Variants in RBM11 observed in about 807,000 individuals in gnomAD.
RBM11 encodes RNA binding motif protein 11, also known as splicing regulator RBM11.
RBM11 carries 18 observed loss-of-function variants against 21.4 expected under a neutral mutation model. The observed-to-expected ratio is 0.84, with a 90% CI of 0.58 to 1.25. RBM11 has a LOEUF of 1.25. RBM11 is among the 50% of genes most tolerant of loss of function. The pLI, the probability that RBM11 is intolerant of heterozygous loss-of-function variation, is 0.00. For synonymous variants in RBM11, 120 were observed against 116.3 expected, an observed-to-expected ratio of 1.03 and a Z score of -0.20; for missense variants, 294 against 331.9, an observed-to-expected ratio of 0.89 and a Z score of 0.89.
At chr21:14,221,809 G>GA (rs1978689234) in intron 3 of RBM11, among the ~76,000 whole-genome samples, 1 of 152,142 alleles carries the variant, frequency 6.6e-6, no homozygotes, top group South Asian at 2.1e-4. Context: ...AAAGCAAGAA[G>GA]AAAGATATTG....
At chr21:14,226,067 C>T (rs776877172) in intron 4 of RBM11, among the ~76,000 whole-genome samples, 72 of 151,764 alleles carry the variant, frequency 4.7e-4, no homozygotes, top group Middle Eastern at 3.4e-3. Context: ...TTTTTTTCAA[C>T]TCTAAATTTG....
chr21:14,218,239 T>C (rs1249386262), intron 1 of RBM11, among the ~76,000 whole-genome samples: 1 of 152,202 alleles, frequency 6.6e-6, no homozygotes, highest in Non-Finnish European at 1.5e-5. Context: ...CACGTAAGCA[T>C]GTTCTGTCCC....
rs192529195 is a variant in RBM11 at position 14,227,918 on chromosome 21, T to C, written c.*625T>C. The C allele has an allele frequency of 1.3e-5, 2 of 152,450 alleles. No homozygotes were observed. Among genetic ancestry groups the C allele is most frequent in the Non-Finnish European group, 2.9e-5 (2 of 68,124 alleles). The allele number at this position is 152,450 out of a possible 1,614,324, so 9.4% of individuals were successfully genotyped here. ...TTGGATCATTCCCTTTTTATACAATTGTGTATTTATAGGGATACCTTCCTC... is the reference window on the plus strand; with the variant it reads ...TTGGATCATTCCCTTTTTATACAATCGTGTATTTATAGGGATACCTTCCTC... On this transcript the variant is annotated 3_prime_UTR_variant, in exon 5 of 5. Coordinates refer to ENST00000400577, the MANE Select transcript of RBM11 (RefSeq NM_144770.5).
chr21:14,223,852 G>A (rs758104426), intron 3 of RBM11, among the ~76,000 whole-genome samples: 2 of 152,154 alleles, frequency 1.3e-5, no homozygotes, highest in African/African-American at 2.4e-5. Context: ...GTAAAAGCCA[G>A]TTTGGCCATC....
intron 3 of RBM11, among the ~76,000 whole-genome samples, chr21:14,224,032 CTGTT>C (rs1361313007): frequency 6.6e-6 from 1 of 152,048 alleles, no homozygotes; most frequent in African/African-American, 2.4e-5. Flanking sequence ...AACAGAGTAC[CTGTT>C]TGTTATATAA....
chr21:14,216,175 C>A lies in RBM11; in HGVS notation c.-12C>A. The A allele has an allele frequency of 2.5e-6, 4 of 1,609,168 alleles. No homozygotes were observed. Among genetic ancestry groups the A allele is most frequent in the Non-Finnish European group, 3.4e-6 (4 of 1,176,528 alleles). On this transcript the variant is annotated 5_prime_UTR_variant, in exon 1 of 5. Transcript: ENST00000400577. Reference sequence around the variant, plus strand: ...CTCAGCTCCTACTTCATTCTACGGCCGAGACCGGAGGATGTTCCCTGCTCA... The same window carrying A: ...CTCAGCTCCTACTTCATTCTACGGCAGAGACCGGAGGATGTTCCCTGCTCA...
intron 1 of RBM11, 53 bp downstream of exon 1, chr21:14,216,335 C>A: frequency 6.6e-7 from 1 of 1,520,326 alleles, no homozygotes; most frequent in Non-Finnish European, 9.0e-7. Context: ...GGGCCGGAAA[C>A]ATAGCGCGCA....
intron 1 of RBM11, among the ~76,000 whole-genome samples, chr21:14,217,629 C>T (rs1036078977): frequency 2.0e-5 from 3 of 151,878 alleles, no homozygotes; most frequent in African/African-American, 7.3e-5. Flanking sequence ...TAGGTTCATC[C>T]TTTTAATTCA....
intron 4 of RBM11, among the ~76,000 whole-genome samples, chr21:14,225,706 A>G (rs1381029798): frequency 2.6e-5 from 4 of 152,166 alleles, no homozygotes. Context: ...TTAGTAAACA[A>G]TCAGTTCTCG....
At chr21:14,218,316 ATATT>A (rs1978381935) in intron 1 of RBM11, among the ~76,000 whole-genome samples, 1 of 152,198 alleles carries the variant, frequency 6.6e-6, no homozygotes, top group East Asian at 1.9e-4. Flanking sequence ...ATATTACAGT[ATATT>A]TATCCTTTTA....
Position 14,227,306 on chromosome 21 carries a change from A to G in RBM11, c.*13A>G. ...GAAAAGATACTAGTATTACCTACAAATGAAACTTACCTACACTGATCTTAG... is the reference window on the plus strand; with the variant it reads ...GAAAAGATACTAGTATTACCTACAAGTGAAACTTACCTACACTGATCTTAG... On this transcript the variant is annotated 3_prime_UTR_variant, in exon 5 of 5. Coordinates refer to ENST00000400577, the MANE Select transcript of RBM11 (RefSeq NM_144770.5). The G allele has an allele frequency of 2.5e-6, 4 of 1,591,910 alleles. No individual in the cohort carries two copies. Among genetic ancestry groups the G allele is most frequent in the Non-Finnish European group, 3.4e-6 (4 of 1,170,692 alleles).
At chr21:14,226,452 C>G (rs1219890525) in intron 4 of RBM11, among the ~76,000 whole-genome samples, 1 of 151,848 alleles carries the variant, frequency 6.6e-6, no homozygotes, top group Admixed American at 6.6e-5. Context: ...AACGCTGTCT[C>G]TACTAAAAAT....
At chr21:14,217,217 G>A (rs1211201192) in intron 1 of RBM11, among the ~76,000 whole-genome samples, 6 of 152,182 alleles carry the variant, frequency 3.9e-5, no homozygotes, top group Non-Finnish European at 7.4e-5. Flanking sequence ...AGTAGTATCT[G>A]CAGTATAATG....
chr21:14,216,432 G>C (rs997575647), intron 1 of RBM11, 150 bp downstream of exon 1: 49 of 661,546 alleles, frequency 7.4e-5, no homozygotes, highest in Non-Finnish European at 1.1e-4. Context: ...CTGTCTCCAG[G>C]TGAGCGGCTG....
chr21:14,221,402 A>G, intron 3 of RBM11: 1 of 373,546 alleles, frequency 2.7e-6, no homozygotes. Flanking sequence ...AGTTTTTTAT[A>G]GTTTTCTACA....
chr21:14,224,602 A>G lies in RBM11; in HGVS notation c.432+65A>G, dbSNP rs971284556. On this transcript the variant is annotated intron_variant, in intron 4 of 4. Coordinates refer to ENST00000400577, the MANE Select transcript of RBM11 (RefSeq NM_144770.5). Reference sequence around the variant, plus strand: ...ACAAACTATGAAGAACATAAAGGCTATTTGTAACATATGGTGCCCAAATCT... The same window carrying G: ...ACAAACTATGAAGAACATAAAGGCTGTTTGTAACATATGGTGCCCAAATCT... The G allele has an allele frequency of 2.6e-5, 38 of 1,486,310 alleles. 1 individual carries two copies. In the South Asian group the frequency reaches 5.0e-4, roughly 19 times the overall value. The allele number at this position is 1,486,310 out of a possible 1,614,324, so 92.1% of individuals were successfully genotyped here. A position where few individuals can be genotyped will look rare whatever the true frequency, so the allele number is the denominator to read the frequency against.
intron 3 of RBM11, among the ~76,000 whole-genome samples, chr21:14,221,850 A>G (rs1978693450): frequency 6.6e-6 from 1 of 152,232 alleles, no homozygotes; most frequent in Non-Finnish European, 1.5e-5. Flanking sequence ...AAAAGCTGCA[A>G]GTAGGCAGAA....
chr21:14,216,941 A>C (rs2020459618), intron 1 of RBM11, among the ~76,000 whole-genome samples: 1 of 152,256 alleles, frequency 6.6e-6, no homozygotes, highest in Middle Eastern at 3.4e-3. Flanking sequence ...AAAAAGATAC[A>C]CTCATTCAGC....
At position 14,219,605 on chromosome 21, in the gene RBM11, G is replaced by A; in HGVS notation, c.139G>A (p.Gly47Arg). 6.3e-7 allele frequency: 1 copy of A among 1,591,098 alleles called. No homozygotes were observed. The highest frequency in any genetic ancestry group is 1.1e-5 in the South Asian group (1 of 88,230). The stretch of plus-strand genomic sequence containing the variant: ...AGTGACTATATGCAAAGACAGAGAA[G>A]GAAAGCCAAAGTCTTTTGGATTTGT... ...TKVTICKDRE[G>R]KPKSFGFVCF... Residue 47 changes from glycine to arginine, a missense_variant, in exon 2 of 5, where the codon GGA becomes AGA. Gly to Arg is a moderately radical substitution (Grantham distance 125). Coordinates refer to ENST00000400577, the MANE Select transcript of RBM11 (RefSeq NM_144770.5).
Sources: gnomAD v4.1 joint callset for allele counts (sites outside exome capture counted in the v4.1 genomes callset) on GRCh38, gnomAD v4.1.1 for gene constraint, MANE v1.5 for transcripts, NCBI Gene and HGNC (gene_info 2026-07-23, HGNC 2026-07-21) for gene names.